MRTFB: variants seen among roughly 807,000 people sequenced by gnomAD.
MRTFB encodes the protein myocardin related transcription factor B.
MRTFB carries 29 observed loss-of-function variants against 104.2 expected under a neutral mutation model. That is an observed-to-expected ratio of 0.28 (90% confidence interval 0.21 to 0.38). The LOEUF is 0.38. Among genes scored for constraint, MRTFB ranks in the 10% least tolerant of loss-of-function variants. MRTFB has a pLI of 1.00. For synonymous variants in MRTFB, 535 were observed against 519.5 expected, an observed-to-expected ratio of 1.03 and a Z score of -0.41; for missense variants, 1,270 against 1,341.6, an observed-to-expected ratio of 0.95 and a Z score of 0.83.
intron 3 of MRTFB, among the ~76,000 whole-genome samples, chr16:14,180,556 C>A (rs1323056463): frequency 6.6e-6 from 1 of 152,142 alleles, no homozygotes; most frequent in Non-Finnish European, 1.5e-5. Context: ...AGACAAATGG[C>A]CCCAGTCTCT....
chr16:14,072,520 A>G (rs2033772398), intron 1 of MRTFB, among the ~76,000 whole-genome samples: 1 of 152,214 alleles, frequency 6.6e-6, no homozygotes, highest in Non-Finnish European at 1.5e-5. Flanking sequence ...TCCCACCTGT[A>G]CAAAAAAAGA....
the MRTFB span, among the ~76,000 whole-genome samples, chr16:14,049,961 G>T: frequency 6.6e-6 from 1 of 152,308 alleles, no homozygotes; most frequent in Non-Finnish European, 1.5e-5. Flanking sequence ...TCAAACTCCT[G>T]ACCTCAGGTG....
At chr16:14,102,852 T>C (rs950623829) in intron 2 of MRTFB, among the ~76,000 whole-genome samples, 30 of 152,240 alleles carry the variant, frequency 2.0e-4, no homozygotes, top group African/African-American at 7.2e-4. Flanking sequence ...GTAGGTACTT[T>C]AGAATGTGCA....
chr16:14,158,402 TTTAA>T (rs1306769826), intron 3 of MRTFB, among the ~76,000 whole-genome samples: 1 of 152,220 alleles, frequency 6.6e-6, no homozygotes, highest in African/African-American at 2.4e-5. Flanking sequence ...TGAAGTAGGT[TTTAA>T]TTGTTTCCAT....
intron 9 of MRTFB, among the ~76,000 whole-genome samples, chr16:14,237,054 C>T (rs938207174): frequency 1.3e-5 from 2 of 152,182 alleles, no homozygotes; most frequent in Non-Finnish European, 2.9e-5. Flanking sequence ...GAAAGGAGTA[C>T]ACCTGGAGTG....
At chr16:14,069,815 C>G (rs1464053084), upstream of MRTFB, among the ~76,000 whole-genome samples, 1 of 152,190 alleles carries the variant, frequency 6.6e-6, no homozygotes, top group Non-Finnish European at 1.5e-5. Context: ...CTGTGTTTCT[C>G]TGGAGAACCC....
the MRTFB span, among the ~76,000 whole-genome samples, chr16:14,053,837 A>C: frequency 6.6e-6 from 1 of 152,096 alleles, no homozygotes; most frequent in African/African-American, 2.4e-5. Flanking sequence ...GCAGTGAGCT[A>C]TGATTGTGCC....
At chr16:14,142,704 T>G (rs2038074902) in intron 3 of MRTFB, 1 of 152,172 alleles carries the variant, frequency 6.6e-6, no homozygotes, top group Non-Finnish European at 1.5e-5. Context: ...AAATAAGAGT[T>G]GAACTGTTAT....
intron 3 of MRTFB, chr16:14,142,629 A>G (rs1229084914): frequency 6.6e-6 from 1 of 152,248 alleles, no homozygotes; most frequent in Non-Finnish European, 1.5e-5. Context: ...AAACATGACT[A>G]AGTGTGATCA....
the MRTFB span, among the ~76,000 whole-genome samples, chr16:14,025,245 A>G: frequency 1.3e-5 from 2 of 152,162 alleles, no homozygotes; most frequent in African/African-American, 4.8e-5. Flanking sequence ...CCGTGGTGCA[A>G]TCATGGCTTA....
At chr16:14,051,593 C>T in the MRTFB span, among the ~76,000 whole-genome samples, 3 of 152,004 alleles carry the variant, frequency 2.0e-5, no homozygotes, top group Non-Finnish European at 4.4e-5. Context: ...CACGCATATG[C>T]ACTCATACAG....
At chr16:14,250,926 T>G (rs572107568) in intron 13 of MRTFB, among the ~76,000 whole-genome samples, 1 of 152,270 alleles carries the variant, frequency 6.6e-6, no homozygotes, top group East Asian at 1.9e-4. Context: ...CCTCAGAAGC[T>G]GAGAGGCAGG....
upstream of MRTFB, among the ~76,000 whole-genome samples, chr16:14,069,486 A>G (rs2033570737): frequency 1.3e-5 from 2 of 152,078 alleles, no homozygotes. Context: ...ATGAATCTAT[A>G]TAGTTTTTTC....
chr16:14,079,892 A>T (rs1312043147), intron 2 of MRTFB, among the ~76,000 whole-genome samples: 2 of 152,052 alleles, frequency 1.3e-5, no homozygotes, highest in Non-Finnish European at 2.9e-5. Context: ...CTATCTATGG[A>T]TATAGAAGAA....
At chr16:14,015,273 T>C in the MRTFB span, among the ~76,000 whole-genome samples, 6 of 152,212 alleles carry the variant, frequency 3.9e-5, no homozygotes, top group African/African-American at 1.4e-4. Flanking sequence ...TCCGTGGGAC[T>C]ATCCGCTTAG....
the MRTFB span, among the ~76,000 whole-genome samples, chr16:14,002,609 G>C: frequency 2.0e-5 from 3 of 152,132 alleles, no homozygotes; most frequent in Non-Finnish European, 4.4e-5. Context: ...CACTCTAAAT[G>C]TGTAAATACC....
chr16:14,113,733 C>G (rs1250328613), intron 2 of MRTFB, among the ~76,000 whole-genome samples: 2 of 151,956 alleles, frequency 1.3e-5, no homozygotes, highest in African/African-American at 2.4e-5. Flanking sequence ...GCTGGGTGAT[C>G]AATAGAGAAC....
intron 3 of MRTFB, among the ~76,000 whole-genome samples, chr16:14,193,040 C>G (rs1373545603): frequency 6.6e-6 from 1 of 151,828 alleles, no homozygotes; most frequent in African/African-American, 2.4e-5. Flanking sequence ...TTACTCAGAT[C>G]ACATATTTAC....
intron 3 of MRTFB, among the ~76,000 whole-genome samples, chr16:14,171,835 A>C (rs1324339957): frequency 6.6e-6 from 1 of 152,220 alleles, no homozygotes; most frequent in Admixed American, 6.5e-5. Flanking sequence ...TCTGTTTAAA[A>C]AATACCTACA....
Sources: gnomAD v4.1 joint callset for allele counts (sites outside exome capture counted in the v4.1 genomes callset) on GRCh38, gnomAD v4.1.1 for gene constraint, MANE v1.5 for transcripts, NCBI Gene and HGNC (gene_info 2026-07-23, HGNC 2026-07-21) for gene names.